The following SGCD variants were observed in gnomAD, a reference collection of about 807,000 sequenced individuals.
SGCD encodes the protein delta-sarcoglycan.
SGCD carries 18 observed loss-of-function variants against 36.6 expected under a neutral mutation model. The ratio of observed to expected loss-of-function variants is 0.49; its 90% CI spans 0.34 to 0.73. The LOEUF is 0.73. Ranked by LOEUF, SGCD falls within the 30% of genes least tolerant of loss-of-function variation. The pLI is 0.01. For synonymous variants in SGCD, 133 were observed against 130.6 expected (o/e 1.02, Z -0.12); for missense variants, 387 against 346.7 (o/e 1.12, Z -0.92).
intron 3 of SGCD, among the ~76,000 whole-genome samples, chr5:156,359,191 A>G (rs116076554): frequency 0.016 from 2,450 of 152,300 alleles, 27 homozygotes; most frequent in Non-Finnish European, 0.026. Flanking sequence ...GTGTTATGAA[A>G]AGGAAACTGG....
chr5:155,872,071 C>T (rs879541580), intron 1 of SGCD, among the ~76,000 whole-genome samples: 2 of 152,092 alleles, frequency 1.3e-5, no homozygotes, highest in Non-Finnish European at 2.9e-5. Flanking sequence ...GGATTCATGG[C>T]AGCTACTGAG....
At chr5:156,007,466 TG>T (rs1758780364) in intron 1 of SGCD, among the ~76,000 whole-genome samples, 1 of 152,236 alleles carries the variant, frequency 6.6e-6, no homozygotes, top group Non-Finnish European at 1.5e-5. Context: ...TAAAATTGTC[TG>T]AATTTCCTTC....
chr5:156,167,616 G>A, intron 3 of SGCD, among the ~76,000 whole-genome samples: 1 of 152,098 alleles, frequency 6.6e-6, no homozygotes, highest in East Asian at 1.9e-4. Context: ...ATGATATCTG[G>A]TTGTTAAAAA....
the SGCD span, among the ~76,000 whole-genome samples, chr5:155,819,541 C>G: frequency 6.6e-6 from 1 of 152,170 alleles, no homozygotes; most frequent in Non-Finnish European, 1.5e-5. Context: ...ACATAATCCT[C>G]CCCACAACCT....
chr5:156,599,661 C>A (rs1352561173), intron 6 of SGCD, among the ~76,000 whole-genome samples: 1 of 152,034 alleles, frequency 6.6e-6, no homozygotes, highest in Non-Finnish European at 1.5e-5. Context: ...ACTAGAAGCT[C>A]AATTATTTGG....
Position 156,556,398 on chromosome 5 carries a change from T to C in SGCD, c.295-32833T>C, listed in dbSNP as rs751739249. ...TGTCCCAATGTCCAAATTGGGTCTG[T>C]CCTTTCTTGCTACTCTTCTATTATT... On this transcript the variant is annotated intron_variant, in intron 4 of 8. Transcript: ENST00000337851. 6.6e-5 allele frequency among the ~76,000 whole-genome samples: 10 copies of C among 152,160 alleles called. 1 individual carries two copies. The highest frequency in any genetic ancestry group is 1.0e-4 in the Non-Finnish European group (7 of 68,012).
At chr5:156,220,376 T>C (rs1013750055) in intron 3 of SGCD, among the ~76,000 whole-genome samples, 4 of 152,208 alleles carry the variant, frequency 2.6e-5, no homozygotes, top group African/African-American at 7.2e-5. Flanking sequence ...AATTCATTCA[T>C]GTATCCAACA....
intron 7 of SGCD, among the ~76,000 whole-genome samples, chr5:156,749,620 C>T (rs1360498772): frequency 6.6e-6 from 1 of 151,388 alleles, no homozygotes; most frequent in Non-Finnish European, 1.5e-5. Flanking sequence ...TTTATCAGTG[C>T]AAAGGAGAAT....
At chr5:156,061,441 T>C (rs1760204008) in intron 1 of SGCD, among the ~76,000 whole-genome samples, 1 of 146,242 alleles carries the variant, frequency 6.8e-6, no homozygotes, top group Non-Finnish European at 1.5e-5. Context: ...GGCTAATGGA[T>C]GTTTTTAAAT....
At chr5:156,150,278 A>C (rs1762803442) in intron 3 of SGCD, among the ~76,000 whole-genome samples, 1 of 147,992 alleles carries the variant, frequency 6.8e-6, no homozygotes, top group African/African-American at 2.7e-5. Context: ...ATGCTTCTCA[A>C]CCCTCCTACC....
intron 7 of SGCD, among the ~76,000 whole-genome samples, chr5:156,722,504 T>C (rs1340728962): frequency 6.6e-6 from 1 of 152,230 alleles, no homozygotes; most frequent in Non-Finnish European, 1.5e-5. Flanking sequence ...GTTTACTGTG[T>C]ATCCTGGGCT....
chr5:156,215,255 C>T (rs113340508), intron 3 of SGCD, among the ~76,000 whole-genome samples: 4 of 152,168 alleles, frequency 2.6e-5, no homozygotes, highest in African/African-American at 9.6e-5. Flanking sequence ...AGGGGAGAAG[C>T]TCCATGATAT....
At chr5:156,752,083 G>T (rs1025321004) in intron 7 of SGCD, among the ~76,000 whole-genome samples, 1 of 152,130 alleles carries the variant, frequency 6.6e-6, no homozygotes, top group Non-Finnish European at 1.5e-5. Context: ...CTAGGGAAAT[G>T]GAATAAATTA....
chr5:156,582,648 A>C (rs1327951956), intron 4 of SGCD, among the ~76,000 whole-genome samples: 1 of 152,198 alleles, frequency 6.6e-6, no homozygotes, highest in Non-Finnish European at 1.5e-5. Flanking sequence ...TCTCCTATGC[A>C]GTTTGCTACA....
intron 1 of SGCD, among the ~76,000 whole-genome samples, chr5:156,041,745 G>T (rs1759640404): frequency 6.6e-6 from 1 of 152,158 alleles, no homozygotes; most frequent in African/African-American, 2.4e-5. Context: ...CTGTAAGGAA[G>T]ATCATCATAA....
intron 3 of SGCD, among the ~76,000 whole-genome samples, chr5:156,179,480 A>G (rs1030756039): frequency 6.6e-6 from 1 of 152,184 alleles, no homozygotes; most frequent in Non-Finnish European, 1.5e-5. Context: ...GTATTTTAAA[A>G]TATCACTTTA....
chr5:155,750,125 G>A, the SGCD span, among the ~76,000 whole-genome samples: 1 of 152,096 alleles, frequency 6.6e-6, no homozygotes, highest in Non-Finnish European at 1.5e-5. Context: ...GTCTGGGGAG[G>A]TGAAGAGTCT....
chr5:156,696,915 AACACACACACACACACACACAC>A (rs57963416), intron 7 of SGCD, among the ~76,000 whole-genome samples: 48 of 145,178 alleles, frequency 3.3e-4, no homozygotes, highest in South Asian at 1.4e-3. Flanking sequence ...CCTTACACAC[AACACACACACACACACACACAC>A]ACACACACAC....
chr5:156,125,877 T>C (rs1424313719), intron 3 of SGCD, among the ~76,000 whole-genome samples: 1 of 146,564 alleles, frequency 6.8e-6, no homozygotes, highest in East Asian at 2.0e-4. Context: ...TTATTATTAT[T>C]ATTATTATTA....
Sources: allele counts gnomAD v4.1 joint callset (sites outside exome capture counted in the v4.1 genomes callset), GRCh38; gene constraint gnomAD v4.1.1; transcripts MANE v1.5; gene names NCBI Gene and HGNC (gene_info 2026-07-23, HGNC 2026-07-21).